RNF150: variants seen among roughly 807,000 people sequenced by gnomAD.
RNF150 encodes the protein ring finger protein 150.
RNF150 carries 24 observed loss-of-function variants against 39.3 expected under a neutral mutation model. The observed-to-expected ratio is 0.61, with a 90% CI of 0.44 to 0.86. The LOEUF is 0.86. Ranked by LOEUF, RNF150 falls within the 40% of genes least tolerant of loss-of-function variation. RNF150 has a pLI of 0.00. For missense variants in RNF150, 502 were observed against 587.8 expected, an observed-to-expected ratio of 0.85 and a Z score of 1.51; for synonymous variants, 255 against 227.3, an observed-to-expected ratio of 1.12 and a Z score of -1.10.
chr4:141,107,259 T>C (rs2111051065), intron 1 of RNF150, among the ~76,000 whole-genome samples: 1 of 152,386 alleles, frequency 6.6e-6, no homozygotes, highest in East Asian at 1.9e-4. Flanking sequence ...ATTGCTTTGC[T>C]TTATTAGCAA....
chr4:141,146,378 A>T (rs1250183667), intron 1 of RNF150, among the ~76,000 whole-genome samples: 1 of 152,204 alleles, frequency 6.6e-6, no homozygotes, highest in East Asian at 1.9e-4. Flanking sequence ...TTGTTTGCTG[A>T]ATTTAAGAAA....
intron 1 of RNF150, among the ~76,000 whole-genome samples, chr4:141,177,320 C>T (rs140271222): frequency 6.9e-4 from 105 of 152,262 alleles, no homozygotes; most frequent in African/African-American, 2.3e-3. Flanking sequence ...CATTCTGATA[C>T]ATCCTAAGCC....
chr4:140,994,693 A>G (rs1012419107), intron 1 of RNF150, among the ~76,000 whole-genome samples: 1 of 152,242 alleles, frequency 6.6e-6, no homozygotes, highest in Non-Finnish European at 1.5e-5. Context: ...GAGCACAGGC[A>G]GCACTGAAGG....
chr4:141,015,757 A>G (rs1560689786), intron 1 of RNF150, among the ~76,000 whole-genome samples: 1 of 152,066 alleles, frequency 6.6e-6, no homozygotes. Context: ...TCTCTTACCT[A>G]ATTGCTCTGG....
rs1248925288 is a variant in RNF150, at chr4:140,967,806, T to C, written c.552A>G (p.Glu184=). ...TGTACATTGTCACGGTGATGTTTCT[T>C]TCCAGCAGGCTTACTATCTCCTTCC... ...PKGKEIVSLL[E]RNITVTMYIT... The change falls in exon 2 of 7, where the codon GAA becomes GAG. Residue 184 remains glutamate, a synonymous_variant. Coordinates refer to ENST00000515673, the MANE Select transcript of RNF150 (RefSeq NM_020724.2). The C allele has an allele frequency of 1.2e-6, 2 of 1,613,420 alleles. No homozygotes were observed. Among genetic ancestry groups the C allele is most frequent in the East Asian group, 2.2e-5 (1 of 44,850 alleles).
chr4:141,126,755 T>A (rs28417061), intron 1 of RNF150, among the ~76,000 whole-genome samples: 8,145 of 152,276 alleles, frequency 0.053, 646 homozygotes, highest in African/African-American at 0.17. Context: ...TTCTAAGTTT[T>A]AAATACATAA....
intron 1 of RNF150, among the ~76,000 whole-genome samples, chr4:140,996,786 C>T (rs1459657904): frequency 6.6e-6 from 1 of 152,152 alleles, no homozygotes; most frequent in East Asian, 1.9e-4. Flanking sequence ...TCCAGGTTTC[C>T]TAATGCCATG....
intron 5 of RNF150, among the ~76,000 whole-genome samples, chr4:140,922,575 T>C (rs7438855): frequency 0.99 from 149,248 of 151,456 alleles, 73,581 homozygotes; most frequent in East Asian, 1. Flanking sequence ...ATGCCATCCC[T>C]ATCAAGCTAC....
chr4:141,057,824 C>G (rs2110910097), intron 1 of RNF150, among the ~76,000 whole-genome samples: 1 of 152,222 alleles, frequency 6.6e-6, no homozygotes, highest in Non-Finnish European at 1.5e-5. Flanking sequence ...ATCGATAAGA[C>G]CAAACCCCAT....
intron 1 of RNF150, among the ~76,000 whole-genome samples, chr4:141,071,803 A>C (rs1382290432): frequency 6.6e-6 from 1 of 152,224 alleles, no homozygotes; most frequent in African/African-American, 2.4e-5. Context: ...AAAGGTATTC[A>C]GAAAATCTTG....
chr4:141,179,573 C>G (rs1031272136), intron 1 of RNF150, among the ~76,000 whole-genome samples: 1 of 152,176 alleles, frequency 6.6e-6, no homozygotes, highest in African/African-American at 2.4e-5. Context: ...CACCTTCTGT[C>G]ACTCCCACAA....
chr4:141,066,028 G>A (rs566322537), intron 1 of RNF150, among the ~76,000 whole-genome samples: 7 of 151,898 alleles, frequency 4.6e-5, no homozygotes, highest in East Asian at 3.9e-4. Flanking sequence ...TCACATCCCC[G>A]GACCTTTCAT....
chr4:140,877,998 C>G (rs77415288), intron 6 of RNF150, among the ~76,000 whole-genome samples: 4,052 of 152,222 alleles, frequency 0.027, 122 homozygotes, highest in African/African-American at 0.076. Context: ...ATGGTTCAGA[C>G]AGGTCACTGT....
intron 5 of RNF150, among the ~76,000 whole-genome samples, chr4:140,918,529 T>C (rs1730949993): frequency 6.6e-6 from 1 of 152,108 alleles, no homozygotes; most frequent in Non-Finnish European, 1.5e-5. Context: ...GCTCTGAAAT[T>C]GTGGCAATAA....
chr4:141,059,686 A>G lies in RNF150; in HGVS notation c.484+72639T>C, dbSNP rs141535604. Among the ~76,000 whole-genome samples, 14 of 152,248 alleles carry G rather than the reference A, an allele frequency of 9.2e-5. No homozygotes were observed. The East Asian group carries it at 2.7e-3, about 29-fold the overall frequency. On this transcript the variant is annotated intron_variant, in intron 1 of 6. Coordinates refer to ENST00000515673, the MANE Select transcript of RNF150 (RefSeq NM_020724.2). ...AAAAGTAACAGGGAAAGTTGAGACA[A>G]TTTACCTGAAAATGTATGATTTAAA... is the stretch of plus-strand genomic sequence containing the variant.
At chr4:141,168,960 C>A (rs912691861) in intron 1 of RNF150, among the ~76,000 whole-genome samples, 5 of 151,818 alleles carry the variant, frequency 3.3e-5, no homozygotes, top group African/African-American at 4.8e-5. Context: ...TTTTAAAAAG[C>A]CTTTGGGGGA....
At chr4:141,061,545 G>C (rs895712470) in intron 1 of RNF150, among the ~76,000 whole-genome samples, 1 of 152,116 alleles carries the variant, frequency 6.6e-6, no homozygotes, top group Non-Finnish European at 1.5e-5. Context: ...TCTAAAAGAT[G>C]GGAGAAATTA....
intron 1 of RNF150, among the ~76,000 whole-genome samples, chr4:141,206,115 C>T (rs988118170): frequency 2.6e-5 from 4 of 152,034 alleles, no homozygotes; most frequent in Non-Finnish European, 5.9e-5. Context: ...TTCTCTCCTT[C>T]TTTTATTTAA....
At chr4:141,022,300 A>C (rs997121065) in intron 1 of RNF150, among the ~76,000 whole-genome samples, 57 of 151,936 alleles carry the variant, frequency 3.8e-4, no homozygotes, top group Middle Eastern at 3.4e-3. Flanking sequence ...TTCCTCTTTC[A>C]TGATTTTTAT....
Sources: allele counts gnomAD v4.1 joint callset (sites outside exome capture counted in the v4.1 genomes callset), GRCh38; gene constraint gnomAD v4.1.1; transcripts MANE v1.5; gene names NCBI Gene and HGNC (gene_info 2026-07-23, HGNC 2026-07-21).